PCP4: variants seen among roughly 807,000 people sequenced by gnomAD.
The protein encoded by PCP4 is Purkinje cell protein 4.
In PCP4, 8 loss-of-function variants were observed where a neutral mutation model predicts 10.0. The observed-to-expected ratio is 0.80, with a 90% CI of 0.47 to 1.45. The LOEUF (loss-of-function observed/expected upper bound fraction) is 1.45. Among genes scored for constraint, PCP4 ranks in the 40% most tolerant of loss-of-function variants. The probability of loss-of-function intolerance (pLI) is 0.00; values close to 1 mark genes in which losing one functional copy is unlikely to be tolerated. For missense variants in PCP4, 54 were observed against 74.4 expected, an observed-to-expected ratio of 0.73 and a Z score of 1.01; for synonymous variants, 21 against 23.0, an observed-to-expected ratio of 0.91 and a Z score of 0.24.
At chr21:39,882,987 C>A (rs1325565025) in intron 1 of PCP4, among the ~76,000 whole-genome samples, 1 of 152,166 alleles carries the variant, frequency 6.6e-6, no homozygotes, top group Non-Finnish European at 1.5e-5. Flanking sequence ...TGTCCGAGAG[C>A]CCACTGTTAT....
intron 2 of PCP4, among the ~76,000 whole-genome samples, chr21:39,910,803 CT>C (rs559738315): frequency 4.1e-4 from 62 of 152,332 alleles, no homozygotes; most frequent in African/African-American, 1.3e-3. Flanking sequence ...TGCAGGGCCC[CT>C]GAGCTGCTTG....
chr21:39,903,867 C>CAATAAAA (rs2087493210), intron 2 of PCP4, among the ~76,000 whole-genome samples: 1 of 34,822 alleles, frequency 2.9e-5, no homozygotes, highest in African/African-American at 9.5e-5. Context: ...GACTCCGTCT[C>CAATAAAA]AAAAAAAACA....
At chr21:39,878,903 C>T (rs1410287857) in intron 1 of PCP4, among the ~76,000 whole-genome samples, 1 of 152,086 alleles carries the variant, frequency 6.6e-6, no homozygotes, top group African/African-American at 2.4e-5. Context: ...TACAGTGCCA[C>T]ACCTCAAATA....
intron 2 of PCP4, among the ~76,000 whole-genome samples, chr21:39,902,793 C>A (rs73215382): frequency 0.049 from 7,522 of 152,178 alleles, 238 homozygotes; most frequent in South Asian, 0.071. Flanking sequence ...TTTCATTCCT[C>A]TATGAGCAAA....
rs183341638 is a variant in PCP4 at position 39,915,119 on chromosome 21, G to C, written c.62-13865G>C. On this transcript the variant is annotated intron_variant, in intron 2 of 2. Coordinates refer to ENST00000328619, the MANE Select transcript of PCP4 (RefSeq NM_006198.3). ...CAGTTTCCACAACTGCAAAGGGAAGGGTATGGAAGGAGAAGCAAATGTCCC... is the reference window on the plus strand; with the variant it reads ...CAGTTTCCACAACTGCAAAGGGAAGCGTATGGAAGGAGAAGCAAATGTCCC... Among the ~76,000 whole-genome samples, 3 of 152,120 alleles carry C rather than the reference G, an allele frequency of 2.0e-5. No individual in the cohort carries two copies. The East Asian group carries it at 5.8e-4, about 29-fold the overall frequency.
At chr21:39,917,185 C>T (rs2837292) in intron 2 of PCP4, among the ~76,000 whole-genome samples, 5,011 of 152,306 alleles carry the variant, frequency 0.033, 296 homozygotes, top group African/African-American at 0.11. Context: ...TTTAGCGACA[C>T]GATAGATCTT....
At position 39,912,316 on chromosome 21, in the gene PCP4, T is replaced by TC. The variant is rs983466342; in HGVS notation, c.61+13789_61+13790insC. ...TCATTGTTGGTCTTTTGAAAGGTTT[T>TC]TTTTTTTTTTTAAAGTATTTCCAAA... On this transcript the variant is annotated intron_variant, in intron 2 of 2. Transcript: ENST00000328619. Among the ~76,000 whole-genome samples, 4 of 129,856 alleles carry TC rather than the reference T, an allele frequency of 3.1e-5. 1 individual carries two copies. The South Asian group carries it at 1.1e-3, about 35-fold the overall frequency. The allele number at this position is 129,856 out of a possible 152,430, so 85.2% of individuals were successfully genotyped here. A position where few individuals can be genotyped will look rare whatever the true frequency, so the allele number is the denominator to read the frequency against.
At chr21:39,893,822 G>T (rs1416647179) in intron 1 of PCP4, among the ~76,000 whole-genome samples, 1 of 152,214 alleles carries the variant, frequency 6.6e-6, no homozygotes, top group Admixed American at 6.5e-5. Flanking sequence ...CCTGTCTTTT[G>T]TGGAGGTCTC....
At chr21:39,927,322 C>CATCTATCTATCTGTCTGTCT (rs2087627892) in intron 2 of PCP4, among the ~76,000 whole-genome samples, 1 of 129,992 alleles carries the variant, frequency 7.7e-6, no homozygotes, top group African/African-American at 3.2e-5. Flanking sequence ...ATCTATCTAT[C>CATCTATCTATCTGTCTGTCT]ATCTATCTAT....
intron 2 of PCP4, among the ~76,000 whole-genome samples, chr21:39,901,231 A>G (rs920346696): frequency 2.0e-5 from 3 of 152,190 alleles, no homozygotes; most frequent in African/African-American, 2.4e-5. Flanking sequence ...CTTACCTTTT[A>G]TAATAATAAT....
chr21:39,873,912 C>T (rs1257840937), intron 1 of PCP4, among the ~76,000 whole-genome samples: 1 of 152,206 alleles, frequency 6.6e-6, no homozygotes, highest in South Asian at 2.1e-4. Flanking sequence ...TGAATTTATG[C>T]TTCAGAATCT....
At chr21:39,924,064 C>G (rs546296973) in intron 2 of PCP4, among the ~76,000 whole-genome samples, 1 of 152,168 alleles carries the variant, frequency 6.6e-6, no homozygotes, top group Non-Finnish European at 1.5e-5. Context: ...GATGGCCATG[C>G]GGGCGGCCAT....
intron 1 of PCP4, among the ~76,000 whole-genome samples, chr21:39,880,201 T>TATCTA: frequency 6.6e-6 from 1 of 151,670 alleles, no homozygotes; most frequent in Non-Finnish European, 1.5e-5. Context: ...TCTATATCTA[T>TATCTA]TCCCTGTCCA....
At chr21:39,891,668 A>G (rs949156537) in intron 1 of PCP4, among the ~76,000 whole-genome samples, 3 of 152,220 alleles carry the variant, frequency 2.0e-5, no homozygotes, top group South Asian at 4.1e-4. Flanking sequence ...TTTATTGCAT[A>G]CAAGACAAGG....
At chr21:39,891,895 C>A (rs922522618) in intron 1 of PCP4, among the ~76,000 whole-genome samples, 2 of 152,246 alleles carry the variant, frequency 1.3e-5, no homozygotes, top group East Asian at 1.9e-4. Context: ...CAAAGAGGAA[C>A]CAGGAGTACG....
At chr21:39,908,042 C>T (rs1016032952) in intron 2 of PCP4, among the ~76,000 whole-genome samples, 5 of 152,012 alleles carry the variant, frequency 3.3e-5, no homozygotes, top group Non-Finnish European at 7.4e-5. Context: ...GCTTATTATA[C>T]GATAAGTGAT....
chr21:39,911,045 C>T (rs1258874921), intron 2 of PCP4, among the ~76,000 whole-genome samples: 4 of 152,110 alleles, frequency 2.6e-5, no homozygotes, highest in Admixed American at 2.6e-4. Context: ...TGTCTCTTTC[C>T]TGGGACAGTG....
chr21:39,902,020 T>G (rs1346947158), intron 2 of PCP4, among the ~76,000 whole-genome samples: 1 of 152,228 alleles, frequency 6.6e-6, no homozygotes, highest in African/African-American at 2.4e-5. Context: ...TCTTGGAATT[T>G]CCATTTTAAC....
chr21:39,878,003 G>A (rs1391414623), intron 1 of PCP4, among the ~76,000 whole-genome samples: 1 of 86,038 alleles, frequency 1.2e-5, no homozygotes, highest in Non-Finnish European at 2.4e-5. Flanking sequence ...AGATTGTGAC[G>A]AGAGAGAGAG....
Sources: allele counts gnomAD v4.1 joint callset (sites outside exome capture counted in the v4.1 genomes callset), GRCh38; gene constraint gnomAD v4.1.1; transcripts MANE v1.5; gene names NCBI Gene and HGNC (gene_info 2026-07-23, HGNC 2026-07-21).